The following MLIP variants were observed in gnomAD, a reference collection of about 807,000 sequenced individuals.
MLIP encodes the protein muscular LMNA interacting protein.
MLIP carries 79 observed loss-of-function variants against 84.8 expected under a neutral mutation model. That is an observed-to-expected ratio of 0.93 (90% confidence interval 0.78 to 1.12). The LOEUF is 1.12. Among genes scored for constraint, MLIP ranks in the 50% most tolerant of loss-of-function variants. The probability of loss-of-function intolerance (pLI) is 0.00; values close to 1 mark genes in which losing one functional copy is unlikely to be tolerated. For missense variants in MLIP, 1,257 were observed against 1,160.6 expected (o/e 1.08, Z -1.21); for synonymous variants, 504 against 463.0 (o/e 1.09, Z -1.14).
chr6:54,048,043 G>A (rs1296545031), intron 1 of MLIP, among the ~76,000 whole-genome samples: 3 of 152,172 alleles, frequency 2.0e-5, no homozygotes, highest in African/African-American at 2.4e-5. Flanking sequence ...CCTCTTTGAG[G>A]AAGCTTAGCC....
At chr6:54,116,475 C>A (rs1769931355) in intron 1 of MLIP, among the ~76,000 whole-genome samples, 1 of 151,938 alleles carries the variant, frequency 6.6e-6, no homozygotes, top group Non-Finnish European at 1.5e-5. Context: ...CAATTATATA[C>A]CAAAAAATTG....
chr6:54,138,788 T>G (rs183013970), intron 4 of MLIP, among the ~76,000 whole-genome samples: 1 of 152,302 alleles, frequency 6.6e-6, no homozygotes, highest in East Asian at 1.9e-4. Flanking sequence ...AGAAAGCAAC[T>G]CTACACTAAG....
chr6:54,147,312 C>T lies in MLIP; in HGVS notation c.2218-1744C>T, dbSNP rs139889377. Among the ~76,000 whole-genome samples the T allele has an allele frequency of 1.3e-3, 195 of 152,264 alleles. 2 individuals carry two copies. Among genetic ancestry groups the T allele is most frequent in the African/African-American group, 4.4e-3 (183 of 41,566 alleles). On this transcript the variant is annotated intron_variant, in intron 4 of 13. Coordinates refer to ENST00000502396, the MANE Select transcript of MLIP (RefSeq NM_001281747.2). ...TAATAACTGTCTAGTTATAGGACTT[C>T]TGTAAAATTAAATGAGTAATAGTAA...
intron 12 of MLIP, among the ~76,000 whole-genome samples, chr6:54,254,411 C>T (rs1782852583): frequency 6.6e-6 from 1 of 152,014 alleles, no homozygotes; most frequent in Non-Finnish European, 1.5e-5. Context: ...AGGTGTGAGC[C>T]ACCACACCCA....
chr6:54,252,916 A>G (rs73741496), intron 12 of MLIP, among the ~76,000 whole-genome samples: 4,638 of 152,202 alleles, frequency 0.03, 209 homozygotes, highest in African/African-American at 0.11. Context: ...TCTCATACAA[A>G]GGATGTCTTT....
intron 5 of MLIP, among the ~76,000 whole-genome samples, chr6:54,152,433 G>C (rs1251192179): frequency 1.3e-5 from 2 of 152,126 alleles, no homozygotes; most frequent in East Asian, 3.9e-4. Context: ...TGGCTGAGGA[G>C]GCCTCAGAAT....
At chr6:54,164,957 A>G (rs1018862220) in intron 8 of MLIP, among the ~76,000 whole-genome samples, 2 of 152,010 alleles carry the variant, frequency 1.3e-5, no homozygotes, top group Non-Finnish European at 2.9e-5. Flanking sequence ...ATATGATTTC[A>G]CTTATCTTGG....
chr6:54,147,254 G>A (rs969105780), intron 4 of MLIP, among the ~76,000 whole-genome samples: 2 of 152,160 alleles, frequency 1.3e-5, no homozygotes, highest in African/African-American at 4.8e-5. Context: ...GGGCTGCGTG[G>A]TCTTGGACAA....
chr6:54,023,343 C>A (rs1264311423), intron 1 of MLIP, among the ~76,000 whole-genome samples: 1 of 151,574 alleles, frequency 6.6e-6, no homozygotes, highest in Non-Finnish European at 1.5e-5. Context: ...GAAAACAGGT[C>A]ATCTGACATT....
intron 12 of MLIP, among the ~76,000 whole-genome samples, chr6:54,248,557 A>G (rs1782242543): frequency 6.6e-6 from 1 of 152,144 alleles, no homozygotes; most frequent in Non-Finnish European, 1.5e-5. Context: ...AGGATGTGGT[A>G]TTTGTTTTTA....
chr6:54,094,026 T>C (rs1188570271), intron 1 of MLIP, among the ~76,000 whole-genome samples: 5 of 152,166 alleles, frequency 3.3e-5, no homozygotes, highest in South Asian at 2.1e-4. Flanking sequence ...AAAGTGGTAA[T>C]GGTGATTAAG....
intron 1 of MLIP, among the ~76,000 whole-genome samples, chr6:54,098,148 C>CTTTTTT (rs5876357): frequency 7.9e-4 from 98 of 123,818 alleles, no homozygotes; most frequent in East Asian, 3.8e-3. Flanking sequence ...ATTTTTCTTT[C>CTTTTTT]TTTTTTTTTT....
Position 54,136,720 on chromosome 6 carries a change from T to C in MLIP, c.651T>C (p.Thr217=), listed in dbSNP as rs912220278. Residue 217 remains threonine, a synonymous_variant, in exon 4 of 14, where the codon ACT becomes ACC. Transcript: ENST00000502396. ...TCTATTTCTCTTTCCTCTAGTTAAC[T>C]TCTTCTCCCACTACCTCTGAGCAGC... is the stretch of plus-strand genomic sequence containing the variant. ...MAPQQKHGQL[T]SSPTTSEQLA... 1 of 1,477,640 alleles carries C rather than the reference T, an allele frequency of 6.8e-7. No homozygotes were observed. Among genetic ancestry groups the C allele is most frequent in the Non-Finnish European group, 9.0e-7 (1 of 1,113,116 alleles). 91.5% of individuals were successfully genotyped at this position (1,477,640 alleles called of 1,614,324 possible).
intron 12 of MLIP, among the ~76,000 whole-genome samples, chr6:54,250,711 C>G (rs771660510): frequency 6.6e-6 from 1 of 152,064 alleles, no homozygotes; most frequent in East Asian, 1.9e-4. Context: ...ACCCATCCAC[C>G]TGAATTTTCT....
At chr6:54,084,269 A>AT (rs1042500068) in intron 1 of MLIP, among the ~76,000 whole-genome samples, 1 of 151,758 alleles carries the variant, frequency 6.6e-6, no homozygotes, top group African/African-American at 2.4e-5. Flanking sequence ...TTCATTACTT[A>AT]TTTTTTTTCC....
At chr6:54,078,420 T>G (rs1766933869) in intron 1 of MLIP, among the ~76,000 whole-genome samples, 1 of 152,106 alleles carries the variant, frequency 6.6e-6, no homozygotes, top group African/African-American at 2.4e-5. Context: ...AGTGAAACCC[T>G]GTCTCTACAA....
intron 3 of MLIP, among the ~76,000 whole-genome samples, chr6:54,127,712 T>TA (rs1386107333): frequency 1.3e-5 from 2 of 152,140 alleles, no homozygotes; most frequent in Non-Finnish European, 2.9e-5. Flanking sequence ...TCAATATAAA[T>TA]ATTGGGTTGA....
chr6:54,241,992 T>C (rs2150839126), intron 12 of MLIP, among the ~76,000 whole-genome samples: 1 of 152,298 alleles, frequency 6.6e-6, no homozygotes, highest in East Asian at 1.9e-4. Context: ...GAATGAGAAA[T>C]ACACATATAG....
At chr6:54,050,627 G>T (rs1238051160) in intron 1 of MLIP, among the ~76,000 whole-genome samples, 1 of 152,038 alleles carries the variant, frequency 6.6e-6, no homozygotes, top group African/African-American at 2.4e-5. Flanking sequence ...TATAATCATT[G>T]TTTGATTGCA....
Sources: allele counts gnomAD v4.1 joint callset (sites outside exome capture counted in the v4.1 genomes callset), GRCh38; gene constraint gnomAD v4.1.1; transcripts MANE v1.5; gene names NCBI Gene and HGNC (gene_info 2026-07-23, HGNC 2026-07-21).